Variants in PDZD2 observed in about 807,000 individuals in gnomAD.
PDZD2 encodes the protein PDZ domain containing 2, also known as PDZ domain-containing protein 2.
Under a neutral mutation model 220.7 loss-of-function variants are expected in PDZD2, and 90 were observed. That is an observed-to-expected ratio of 0.41 (90% CI 0.34 to 0.49). The LOEUF is 0.49. PDZD2 is among the 20% of genes least tolerant of loss of function. The pLI, the probability that PDZD2 is intolerant of heterozygous loss-of-function variation, is 0.28. For missense variants in PDZD2, 3,174 were observed against 3,608.5 expected, an observed-to-expected ratio of 0.88 and a Z score of 3.08; for synonymous variants, 1,375 against 1,450.5, an observed-to-expected ratio of 0.95 and a Z score of 1.18.
At chr5:31,996,695 G>A (rs983881147) in intron 4 of PDZD2, among the ~76,000 whole-genome samples, 1 of 152,178 alleles carries the variant, frequency 6.6e-6, no homozygotes, top group Non-Finnish European at 1.5e-5. Flanking sequence ...GCAACAGAGT[G>A]AGACTTCGTC....
intron 2 of PDZD2, among the ~76,000 whole-genome samples, chr5:31,930,019 C>G (rs76169323): frequency 4.6e-5 from 7 of 151,808 alleles, no homozygotes; most frequent in Admixed American, 4.6e-4. Flanking sequence ...CTCTAGCTCT[C>G]CTCGTGCCAT....
chr5:31,797,094 ATTTTTTTTTTTTTTTT>A (rs756548601), intron 1 of PDZD2, among the ~76,000 whole-genome samples: 1 of 66,534 alleles, frequency 1.5e-5, no homozygotes, highest in African/African-American at 7.3e-5. Context: ...CACCCAGCTA[ATTTTTTTTTTTTTTTT>A]TTTTTTTTTT....
intron 2 of PDZD2, among the ~76,000 whole-genome samples, chr5:31,923,004 G>A (rs376690418): frequency 1.4e-4 from 21 of 150,180 alleles, no homozygotes; most frequent in African/African-American, 4.4e-4. Flanking sequence ...TCAAAAATGC[G>A]CTTGCAGGCC....
intron 19 of PDZD2, 115 bp downstream of exon 19, chr5:32,077,721 C>A (rs373706230): frequency 9.4e-7 from 1 of 1,066,584 alleles, no homozygotes. Flanking sequence ...CTCTGGGAGG[C>A]CGAGGTGGGC....
chr5:31,894,382 T>C lies in PDZD2; in HGVS notation c.477-88773T>C, dbSNP rs146684519. Among the ~76,000 whole-genome samples the C allele has an allele frequency of 5.9e-5, 9 of 152,168 alleles. No homozygotes were observed. In the East Asian group the frequency reaches 1.7e-3, roughly 29 times the overall value. On this transcript the variant is annotated intron_variant, in intron 2 of 24. Transcript: ENST00000438447. Reference sequence around the variant, plus strand: ...ACTGGAAGCCTGGCACGGTGGGGTGTAGGATTTCAACAGTGGTCTCAGTCC... The same window carrying C: ...ACTGGAAGCCTGGCACGGTGGGGTGCAGGATTTCAACAGTGGTCTCAGTCC...
intron 6 of PDZD2, among the ~76,000 whole-genome samples, chr5:32,023,034 G>A (rs1041960755): frequency 6.6e-6 from 1 of 152,150 alleles, no homozygotes; most frequent in Non-Finnish European, 1.5e-5. Flanking sequence ...ATGGAGAGGC[G>A]GGAAGCCGTG....
chr5:31,847,686 CT>C, intron 2 of PDZD2: 1 of 606,796 alleles, frequency 1.6e-6, no homozygotes, highest in Non-Finnish European at 3.1e-6. Flanking sequence ...AGCCCGGTGC[CT>C]TTACCTGCTA....
rs146179515 is a variant in PDZD2, at chr5:31,788,690, A to G, written c.-360-10199A>G. Among the ~76,000 whole-genome samples the G allele has an allele frequency of 4.4e-3, 671 of 152,172 alleles. 21 individuals are homozygous for G. Among genetic ancestry groups the G allele is most frequent in the Admixed American group, 0.037 (570 of 15,292 alleles). On this transcript the variant is annotated intron_variant, in intron 1 of 24. Transcript: ENST00000438447. ...CAAAATAAATAAATAAATTAAATAA[A>G]TAAAATAAAATTAGCTCTCCCAAAA... is the stretch of plus-strand genomic sequence containing the variant.
At chr5:31,984,398 G>T (rs1377069293) in intron 3 of PDZD2, among the ~76,000 whole-genome samples, 8 of 152,174 alleles carry the variant, frequency 5.3e-5, no homozygotes, top group African/African-American at 1.9e-4. Flanking sequence ...GGGTAGACAT[G>T]TTCATTCCAA....
intron 1 of PDZD2, among the ~76,000 whole-genome samples, chr5:31,764,008 G>A (rs936028308): frequency 2.6e-5 from 4 of 152,148 alleles, no homozygotes; most frequent in South Asian, 2.1e-4. Flanking sequence ...TGGTCTGGCC[G>A]TGGAATTCCT....
chr5:32,086,981 G>A (rs982702399), intron 19 of PDZD2, 150 bp from the exon 20 acceptor site: 9 of 564,780 alleles, frequency 1.6e-5, no homozygotes, highest in African/African-American at 1.1e-4. Flanking sequence ...GCGCCACCAC[G>A]CCCAGCTTTC....
chr5:31,873,149 G>C (rs1738982053), intron 2 of PDZD2, among the ~76,000 whole-genome samples: 1 of 152,092 alleles, frequency 6.6e-6, no homozygotes, highest in East Asian at 1.9e-4. Context: ...GATCCTGAGA[G>C]CAATTGAGAT....
intron 1 of PDZD2, among the ~76,000 whole-genome samples, chr5:31,715,312 T>C (rs1748381488): frequency 6.6e-6 from 1 of 152,186 alleles, no homozygotes; most frequent in Admixed American, 6.5e-5. Flanking sequence ...CAAACACACA[T>C]GGCTGACATA....
Position 31,799,302 on chromosome 5 carries a change from GCTGCAGAACAGC to G in PDZD2, c.61_72del (p.Asn21_Gln24del). 1 of 1,613,736 alleles carries G rather than the reference GCTGCAGAACAGC, an allele frequency of 6.2e-7. No individual in the cohort carries two copies. The highest frequency in any genetic ancestry group is 8.5e-7 in the Non-Finnish European group (1 of 1,179,714). On this transcript the variant is annotated inframe_deletion, in exon 2 of 25. Transcript: ENST00000438447. ...TGCACCTGCCCCTCCTCTACCAGTG[GCTGCAGAACAGC>G]CTGCAGGAAGGTGGGGATGGGCCGG...
At chr5:32,009,528 G>T (rs1288194866) in intron 5 of PDZD2, among the ~76,000 whole-genome samples, 3 of 151,238 alleles carry the variant, frequency 2.0e-5, no homozygotes, top group Non-Finnish European at 2.9e-5. Context: ...AGGAGTTCGA[G>T]ACCAGCCTGG....
At chr5:32,004,988 A>T (rs1752688543) in intron 5 of PDZD2, among the ~76,000 whole-genome samples, 1 of 152,154 alleles carries the variant, frequency 6.6e-6, no homozygotes, top group Non-Finnish European at 1.5e-5. Context: ...TCCATTTTAC[A>T]ATTAGGCACT....
At chr5:31,810,489 T>A (rs1354699595) in intron 2 of PDZD2, among the ~76,000 whole-genome samples, 1 of 152,154 alleles carries the variant, frequency 6.6e-6, no homozygotes, top group African/African-American at 2.4e-5. Flanking sequence ...ATGGTCTGGA[T>A]CTCCTGACCT....
At chr5:31,808,742 TG>T (rs1754894286) in intron 2 of PDZD2, among the ~76,000 whole-genome samples, 1 of 152,126 alleles carries the variant, frequency 6.6e-6, no homozygotes, top group Non-Finnish European at 1.5e-5. Flanking sequence ...TTGGGGAGGC[TG>T]AGGCGGGTGG....
At chr5:31,794,393 CTTTTTTT>C (rs34331530) in intron 1 of PDZD2, among the ~76,000 whole-genome samples, 4 of 105,286 alleles carry the variant, frequency 3.8e-5, no homozygotes, top group Non-Finnish European at 7.5e-5. Context: ...TTCTTTCTTT[CTTTTTTT>C]TTTTTTTTTT....
Sources: allele counts gnomAD v4.1 joint callset (sites outside exome capture counted in the v4.1 genomes callset), GRCh38; gene constraint gnomAD v4.1.1; transcripts MANE v1.5; gene names NCBI Gene and HGNC (gene_info 2026-07-23, HGNC 2026-07-21).